Variants in INPP5A observed in about 807,000 individuals in gnomAD.
INPP5A encodes 43 kDa inositol polyphosphate 5-phophatase.
In INPP5A, 14 loss-of-function variants were observed where a neutral mutation model predicts 65.2. That is an observed-to-expected ratio of 0.21 (90% CI 0.14 to 0.34). The LOEUF is 0.34. Ranked by LOEUF, INPP5A falls within the 10% of genes least tolerant of loss-of-function variation. INPP5A has a pLI of 1.00. For synonymous variants in INPP5A, 207 were observed against 208.3 expected (o/e 0.99, Z 0.05); for missense variants, 431 against 545.6 (o/e 0.79, Z 2.09).
intron 12 of INPP5A, among the ~76,000 whole-genome samples, chr10:132,770,846 C>T (rs528437431): frequency 2.6e-5 from 4 of 152,276 alleles, no homozygotes; most frequent in East Asian, 1.9e-4. Flanking sequence ...AGTCTCGACG[C>T]GGCACGTCTG....
intron 5 of INPP5A, among the ~76,000 whole-genome samples, chr10:132,695,839 A>T (rs1012102303): frequency 1.2e-4 from 19 of 152,242 alleles, no homozygotes. Context: ...CTGATGAAAT[A>T]AGGAAGATCT....
intron 1 of INPP5A, among the ~76,000 whole-genome samples, chr10:132,589,406 C>T (rs1166081025): frequency 2.0e-5 from 3 of 152,226 alleles, no homozygotes; most frequent in African/African-American, 7.2e-5. Flanking sequence ...AGAATGTGGG[C>T]ACCTGGTTCC....
intron 8 of INPP5A, among the ~76,000 whole-genome samples, chr10:132,719,428 T>TG (rs1457960499): frequency 6.7e-5 from 10 of 148,950 alleles, no homozygotes; most frequent in Admixed American, 2.7e-4. Flanking sequence ...ACGGCTGTCT[T>TG]CAGGGTTCTG....
At chr10:132,596,333 A>G (rs1169325486) in intron 1 of INPP5A, among the ~76,000 whole-genome samples, 2 of 152,178 alleles carry the variant, frequency 1.3e-5, no homozygotes, top group Non-Finnish European at 2.9e-5. Context: ...TAATTTTATA[A>G]AAGCTTCTGG....
At chr10:132,656,609 G>A (rs376253550) in intron 4 of INPP5A, among the ~76,000 whole-genome samples, 10 of 152,280 alleles carry the variant, frequency 6.6e-5, no homozygotes, top group African/African-American at 2.4e-4. Flanking sequence ...GCCCCACCTC[G>A]CCTCTTGCCT....
chr10:132,648,549 T>A (rs1231452855), intron 3 of INPP5A, among the ~76,000 whole-genome samples: 1 of 152,272 alleles, frequency 6.6e-6, no homozygotes, highest in African/African-American at 2.4e-5. Context: ...CTTTAACATT[T>A]ATTTTAGCAC....
In INPP5A at chr10:132,654,496, C is replaced by T. The variant is rs186364454; in HGVS notation, c.306+3991C>T. ...CCACTGGCTGCCTCAGTGGCCTGGT[C>T]TTTGCTGGGGGCCCTCGGGGTGTCT... On this transcript the variant is annotated intron_variant, in intron 4 of 15. Coordinates refer to ENST00000368594, the MANE Select transcript of INPP5A (RefSeq NM_005539.5). Among the ~76,000 whole-genome samples the T allele has an allele frequency of 8.7e-4, 132 of 152,330 alleles. 1 individual carries two copies. The highest frequency in any genetic ancestry group is 2.7e-3 in the Admixed American group (41 of 15,308).
chr10:132,646,807 G>A (rs1410980861), intron 3 of INPP5A, among the ~76,000 whole-genome samples: 1 of 152,190 alleles, frequency 6.6e-6, no homozygotes, highest in African/African-American at 2.4e-5. Flanking sequence ...CGACGCCGCT[G>A]CCACACACTG....
intron 2 of INPP5A, among the ~76,000 whole-genome samples, chr10:132,643,617 A>AC (rs1373314195): frequency 6.6e-6 from 1 of 152,220 alleles, no homozygotes; most frequent in East Asian, 1.9e-4. Context: ...TGGTGAAGGG[A>AC]CGGGGCATGA....
intron 1 of INPP5A, among the ~76,000 whole-genome samples, chr10:132,540,727 C>T (rs979015961): frequency 2.0e-5 from 3 of 152,206 alleles, no homozygotes; most frequent in Non-Finnish European, 2.9e-5. Flanking sequence ...TTTGTGCAGC[C>T]CGTCCCGTGC....
chr10:132,586,757 G>A (rs2071550209), intron 1 of INPP5A, among the ~76,000 whole-genome samples: 1 of 152,258 alleles, frequency 6.6e-6, no homozygotes, highest in African/African-American at 2.4e-5. Context: ...AAACAAGTAT[G>A]ATTGACTTTT....
chr10:132,611,250 G>A (rs1484005682), intron 2 of INPP5A, among the ~76,000 whole-genome samples: 1 of 139,698 alleles, frequency 7.2e-6, no homozygotes, highest in African/African-American at 2.7e-5. Flanking sequence ...GGTGAGGTGG[G>A]CAGGGGAGAG....
At chr10:132,761,997 A>G (rs1276997345) in intron 11 of INPP5A, among the ~76,000 whole-genome samples, 2 of 152,262 alleles carry the variant, frequency 1.3e-5, no homozygotes, top group East Asian at 1.9e-4. Flanking sequence ...AAGTATTATC[A>G]TTAAAATTAA....
At chr10:132,780,119 T>C (rs1847135358) in intron 13 of INPP5A, among the ~76,000 whole-genome samples, 2 of 152,210 alleles carry the variant, frequency 1.3e-5, no homozygotes, top group African/African-American at 4.8e-5. Flanking sequence ...TGCTGGAAAG[T>C]AAATCTGACC....
At chr10:132,764,416 G>A (rs1363576264) in intron 11 of INPP5A, among the ~76,000 whole-genome samples, 2 of 151,328 alleles carry the variant, frequency 1.3e-5, no homozygotes, top group African/African-American at 2.4e-5. Flanking sequence ...TCAGGAACAC[G>A]GTCGGGTCAG....
intron 1 of INPP5A, among the ~76,000 whole-genome samples, chr10:132,539,537 G>A (rs1407984991): frequency 6.6e-6 from 1 of 152,038 alleles, no homozygotes; most frequent in East Asian, 1.9e-4. Context: ...GGGCGCACTG[G>A]GAGCTCCCCA....
At chr10:132,723,884 C>T (rs908954053) in intron 8 of INPP5A, among the ~76,000 whole-genome samples, 29 of 152,292 alleles carry the variant, frequency 1.9e-4, no homozygotes, top group African/African-American at 6.5e-4. Flanking sequence ...TCTGTGCTCA[C>T]GGGACACAGC....
At chr10:132,722,125 G>A (rs1845895955) in intron 8 of INPP5A, among the ~76,000 whole-genome samples, 1 of 152,140 alleles carries the variant, frequency 6.6e-6, no homozygotes. Context: ...ATTTTATACT[G>A]TCGATGTTTT....
intron 12 of INPP5A, among the ~76,000 whole-genome samples, chr10:132,775,601 A>T (rs983645335): frequency 1.3e-5 from 2 of 152,134 alleles, no homozygotes; most frequent in African/African-American, 4.8e-5. Flanking sequence ...TGCCCCCAAC[A>T]GCCTGGCCAG....
Sources: gnomAD v4.1 joint callset for allele counts (sites outside exome capture counted in the v4.1 genomes callset) on GRCh38, gnomAD v4.1.1 for gene constraint, MANE v1.5 for transcripts, NCBI Gene and HGNC (gene_info 2026-07-23, HGNC 2026-07-21) for gene names.